ZBTB20: variants seen among roughly 807,000 people sequenced by gnomAD.
ZBTB20 encodes zinc finger and BTB domain containing 20, also known as zinc finger and BTB domain-containing protein 20.
In ZBTB20, 9 loss-of-function variants were observed where a neutral mutation model predicts 56.9. The ratio of observed to expected loss-of-function variants is 0.16; its 90% CI spans 0.10 to 0.28. ZBTB20 has a LOEUF of 0.28. ZBTB20 is among the 10% of genes least tolerant of loss of function. The pLI, the probability that ZBTB20 is intolerant of heterozygous loss-of-function variation, is 1.00. For missense variants in ZBTB20, 655 were observed against 1,003.0 expected, an observed-to-expected ratio of 0.65 and a Z score of 4.69; for synonymous variants, 417 against 420.7, an observed-to-expected ratio of 0.99 and a Z score of 0.11.
intron 7 of ZBTB20, among the ~76,000 whole-genome samples, chr3:114,451,531 A>G (rs1311890740): frequency 6.6e-6 from 1 of 152,192 alleles, no homozygotes; most frequent in Non-Finnish European, 1.5e-5. Context: ...TTTGTCTTTA[A>G]ATAAAGCATC....
chr3:115,112,726 CAT>C (rs1560581875), intron 1 of ZBTB20, among the ~76,000 whole-genome samples: 1 of 152,166 alleles, frequency 6.6e-6, no homozygotes, highest in Non-Finnish European at 1.5e-5. Flanking sequence ...GGTTTAATTT[CAT>C]ATCTTTGCTA....
intron 1 of ZBTB20, among the ~76,000 whole-genome samples, chr3:115,111,231 T>C (rs1017704916): frequency 1.3e-5 from 2 of 152,014 alleles, no homozygotes; most frequent in African/African-American, 4.8e-5. Flanking sequence ...ATGTGAAATT[T>C]GAATATCAAA....
At chr3:114,986,472 A>T (rs1030717293) in intron 2 of ZBTB20, among the ~76,000 whole-genome samples, 2 of 152,026 alleles carry the variant, frequency 1.3e-5, no homozygotes, top group Non-Finnish European at 2.9e-5. Flanking sequence ...TAATAAACTC[A>T]TTTTTTTCAT....
chr3:115,001,781 A>G (rs1349606269), intron 2 of ZBTB20, among the ~76,000 whole-genome samples: 1 of 151,478 alleles, frequency 6.6e-6, no homozygotes, highest in Non-Finnish European at 1.5e-5. Context: ...TTCCATGTTC[A>G]TGGATAGTAA....
intron 4 of ZBTB20, among the ~76,000 whole-genome samples, chr3:114,845,145 C>G (rs536719007): frequency 6.6e-6 from 1 of 151,894 alleles, no homozygotes; most frequent in South Asian, 2.1e-4. Flanking sequence ...TCCTAACATA[C>G]TACATGAGTT....
At chr3:114,797,123 T>C (rs980589858) in intron 5 of ZBTB20, among the ~76,000 whole-genome samples, 6 of 151,878 alleles carry the variant, frequency 4.0e-5, no homozygotes, top group Non-Finnish European at 7.4e-5. Flanking sequence ...TTAAAAGCTC[T>C]GTCATGTTTA....
chr3:114,567,470 T>C (rs953098712), intron 6 of ZBTB20, among the ~76,000 whole-genome samples: 3 of 152,160 alleles, frequency 2.0e-5, no homozygotes, highest in African/African-American at 7.2e-5. Context: ...TATTGCAATC[T>C]TTTGGGGGAA....
chr3:114,417,651 T>G (rs1441794152), intron 7 of ZBTB20, among the ~76,000 whole-genome samples: 1 of 152,100 alleles, frequency 6.6e-6, no homozygotes, highest in Non-Finnish European at 1.5e-5. Flanking sequence ...TACACGTCTA[T>G]CTGGGAATTG....
chr3:114,739,608 T>C (rs1312887209), intron 5 of ZBTB20, among the ~76,000 whole-genome samples: 1 of 152,222 alleles, frequency 6.6e-6, no homozygotes, highest in Non-Finnish European at 1.5e-5. Context: ...TATTTTAAGC[T>C]TGAGCATTAT....
chr3:114,638,379 C>A lies in ZBTB20; in HGVS notation c.-295+55149G>T, dbSNP rs1356907631. ...ATATCAGCACAGACTTTATCATATA[C>A]CAGGAATTTCCTACCTCTCAACTTC... On this transcript the variant is annotated intron_variant, in intron 6 of 11. Transcript: ENST00000675478. Among the ~76,000 whole-genome samples the A allele has an allele frequency of 4.6e-5, 7 of 152,158 alleles. No homozygotes were observed. In the South Asian group the frequency reaches 1.5e-3, roughly 32 times the overall value.
At chr3:114,943,387 A>G (rs953862254) in intron 3 of ZBTB20, among the ~76,000 whole-genome samples, 4 of 146,088 alleles carry the variant, frequency 2.7e-5, no homozygotes, top group South Asian at 2.1e-4. Context: ...TCAAAGAACC[A>G]AAACAAAGAG....
chr3:115,005,133 G>C (rs1576542642), intron 2 of ZBTB20, among the ~76,000 whole-genome samples: 1 of 151,596 alleles, frequency 6.6e-6, no homozygotes, highest in African/African-American at 2.4e-5. Flanking sequence ...CTGAAAATTT[G>C]TTTTCAATTC....
chr3:115,123,846 C>G (rs1576812529), intron 1 of ZBTB20, among the ~76,000 whole-genome samples: 1 of 152,138 alleles, frequency 6.6e-6, no homozygotes, highest in African/African-American at 2.4e-5. Context: ...TGAGGAGAGG[C>G]TGGGGTTTCT....
At chr3:115,077,737 G>A (rs1410997368) in intron 1 of ZBTB20, among the ~76,000 whole-genome samples, 2 of 152,180 alleles carry the variant, frequency 1.3e-5, no homozygotes, top group Admixed American at 6.5e-5. Context: ...CAAAAGACAA[G>A]TGTTGATGAG....
intron 10 of ZBTB20, among the ~76,000 whole-genome samples, chr3:114,353,894 A>G (rs1056166146): frequency 2.0e-5 from 3 of 152,212 alleles, no homozygotes; most frequent in African/African-American, 7.2e-5. Flanking sequence ...CACACAGGCA[A>G]TTGCTGGTAG....
intron 5 of ZBTB20, among the ~76,000 whole-genome samples, chr3:114,738,502 T>C (rs2066346814): frequency 6.6e-6 from 1 of 152,176 alleles, no homozygotes; most frequent in Admixed American, 6.5e-5. Flanking sequence ...TTCTTAGTAA[T>C]GGGGATGCTT....
At chr3:114,878,451 T>G (rs1245216039) in intron 4 of ZBTB20, among the ~76,000 whole-genome samples, 1 of 151,872 alleles carries the variant, frequency 6.6e-6, no homozygotes, top group East Asian at 1.9e-4. Flanking sequence ...AAAGAAGACT[T>G]GAATATAGGG....
At position 114,374,379 on chromosome 3, in the gene ZBTB20, C is replaced by T. The variant is rs148578851; in HGVS notation, c.199+5838G>A. On this transcript the variant is annotated intron_variant, in intron 10 of 11. Transcript: ENST00000675478. ...ACACTCTATTACTGCTTAACTGATACGGAATTTATTAGAAAATTAATAACA... is the reference window on the plus strand; with the variant it reads ...ACACTCTATTACTGCTTAACTGATATGGAATTTATTAGAAAATTAATAACA... 3.5e-4 allele frequency among the ~76,000 whole-genome samples: 54 copies of T among 152,300 alleles called. No homozygotes were observed. In the South Asian group the frequency reaches 6.4e-3, roughly 18 times the overall value.
In ZBTB20 at chr3:114,695,612, C is replaced by G. The variant is rs189441763; in HGVS notation, c.-342-2037G>C. Among the ~76,000 whole-genome samples, 118 of 151,676 alleles carry G rather than the reference C, an allele frequency of 7.8e-4. 3 individuals carry two copies. Among genetic ancestry groups the G allele is most frequent in the Admixed American group, 6.3e-3 (96 of 15,196 alleles). On this transcript the variant is annotated intron_variant, in intron 5 of 11. Transcript: ENST00000675478. ...TGCAAATCTCCCTCACTTTTGTGTT[C>G]TAAGTTTTTTTTTTTTAAATTTAAA... is the stretch of plus-strand genomic sequence containing the variant.
Sources: allele counts gnomAD v4.1 joint callset (sites outside exome capture counted in the v4.1 genomes callset), GRCh38; gene constraint gnomAD v4.1.1; transcripts MANE v1.5; gene names NCBI Gene and HGNC (gene_info 2026-07-23, HGNC 2026-07-21).